GABRA2: variants seen among roughly 807,000 people sequenced by gnomAD.
The protein encoded by GABRA2 is gamma-aminobutyric acid type A receptor subunit alpha2.
Under a neutral mutation model 48.7 loss-of-function variants are expected in GABRA2, and 16 were observed. The observed-to-expected ratio is 0.33, with a 90% CI of 0.22 to 0.50. The LOEUF (loss-of-function observed/expected upper bound fraction) is 0.50. GABRA2 is among the 20% of genes least tolerant of loss of function. The probability of loss-of-function intolerance (pLI) is 0.98; values close to 1 mark genes in which losing one functional copy is unlikely to be tolerated. For synonymous variants in GABRA2, 185 were observed against 184.5 expected (o/e 1.00, Z -0.02); for missense variants, 275 against 535.6 (o/e 0.51, Z 4.80).
At chr4:46,344,023 T>C (rs1236702457) in intron 3 of GABRA2, among the ~76,000 whole-genome samples, 1 of 151,946 alleles carries the variant, frequency 6.6e-6, no homozygotes, top group African/African-American at 2.4e-5. Flanking sequence ...TGCCAGATAA[T>C]AATGTTCCAT....
chr4:46,317,931 G>A (rs1366152569), intron 4 of GABRA2, among the ~76,000 whole-genome samples: 4 of 151,524 alleles, frequency 2.6e-5, no homozygotes, highest in African/African-American at 9.7e-5. Context: ...CAAGTAACAA[G>A]TCATTTTAAA....
At position 46,305,709 on chromosome 4, in the gene GABRA2, C is replaced by A; in HGVS notation, c.562G>T (p.Ala188Ser). Reference sequence around the variant, plus strand: ...TAAGTGACCTCTGAAGTTGTATATGCATCTATAGGAAATCAGAAAAAATAT... The same window carrying A: ...TAAGTGACCTCTGAAGTTGTATATGAATCTATAGGAAATCAGAAAAAATAT... ...HSCPLKFGSY[A>S]YTTSEVTYIW... The change falls in exon 7 of 10, where the codon GCA (alanine) becomes TCA (serine). Residue 188 changes from alanine (A) to serine (S), a missense_variant and splice_region_variant. Coordinates refer to ENST00000381620, the MANE Select transcript of GABRA2 (RefSeq NM_000807.4). 6.2e-7 allele frequency: 1 copy of A among 1,602,334 alleles called. No homozygotes were observed. The highest frequency in any genetic ancestry group is 8.5e-7 in the Non-Finnish European group (1 of 1,172,952).
At chr4:46,311,484 A>T (rs1178568563) in intron 5 of GABRA2, among the ~76,000 whole-genome samples, 1 of 152,218 alleles carries the variant, frequency 6.6e-6, no homozygotes, top group Non-Finnish European at 1.5e-5. Context: ...TAGATTCCAC[A>T]TAATCTTACT....
chr4:46,297,039 A>G (rs1724851216), intron 8 of GABRA2, among the ~76,000 whole-genome samples: 1 of 152,126 alleles, frequency 6.6e-6, no homozygotes, highest in Non-Finnish European at 1.5e-5. Flanking sequence ...AAGACTATGT[A>G]TGATCTCAGG....
intron 8 of GABRA2, among the ~76,000 whole-genome samples, chr4:46,295,550 T>C (rs1485541924): frequency 6.6e-6 from 1 of 152,188 alleles, no homozygotes; most frequent in Non-Finnish European, 1.5e-5. Context: ...ACCCCTGTCA[T>C]TGCCCAATGG....
At chr4:46,273,483 GC>G (rs1719797986) in intron 8 of GABRA2, among the ~76,000 whole-genome samples, 1 of 16,192 alleles carries the variant, frequency 6.2e-5, no homozygotes. Context: ...ATATATATAT[GC>G]ATATATATAT....
intron 8 of GABRA2, among the ~76,000 whole-genome samples, chr4:46,300,618 A>G (rs2109606253): frequency 6.6e-6 from 1 of 152,138 alleles, no homozygotes; most frequent in South Asian, 2.1e-4. Context: ...TGATACTATA[A>G]GGAACATCAA....
At chr4:46,338,672 T>A (rs550356526) in intron 3 of GABRA2, among the ~76,000 whole-genome samples, 188 of 152,008 alleles carry the variant, frequency 1.2e-3, no homozygotes, top group Admixed American at 1.9e-3. Context: ...TGTAGGCATT[T>A]AAGACTGAAA....
At chr4:46,372,821 AC>A in intron 3 of GABRA2, among the ~76,000 whole-genome samples, 1 of 151,314 alleles carries the variant, frequency 6.6e-6, no homozygotes, top group African/African-American at 2.5e-5. Context: ...AAAGTGTTAC[AC>A]CACCCTCTCT....
rs1433834141 is a variant in GABRA2 at position 46,249,184 on chromosome 4, G to A, written c.*1124C>T. Reference sequence around the variant, plus strand: ...AAAGCTGTTGTAAATTTGAGTCAGCGAAATTTAAAGTTGCAATTTACAAAA... The same window carrying A: ...AAAGCTGTTGTAAATTTGAGTCAGCAAAATTTAAAGTTGCAATTTACAAAA... On this transcript the variant is annotated 3_prime_UTR_variant, in exon 10 of 10. Transcript: ENST00000381620. 1.3e-5 allele frequency: 2 copies of A among 151,294 alleles called. No homozygotes were observed. Among genetic ancestry groups the A allele is most frequent in the Non-Finnish European group, 3.0e-5 (2 of 67,616 alleles). 9.4% of individuals were successfully genotyped at this position (151,294 alleles called of 1,614,324 possible).
intron 8 of GABRA2, among the ~76,000 whole-genome samples, chr4:46,265,038 G>A (rs1324044419): frequency 7.3e-6 from 1 of 136,282 alleles, no homozygotes; most frequent in Non-Finnish European, 1.6e-5. Context: ...GAGAGAGAGA[G>A]AGAGAGATTG....
In GABRA2 at chr4:46,299,732, G is replaced by A. The variant is rs541427688; in HGVS notation, c.856+3728C>T. 5.7e-5 allele frequency among the ~76,000 whole-genome samples: 8 copies of A among 141,246 alleles called. No individual in the cohort carries two copies. The South Asian group carries it at 1.8e-3, about 32-fold the overall frequency. 92.7% of individuals were successfully genotyped at this position (141,246 alleles called of 152,430 possible). A position where few individuals can be genotyped will look rare whatever the true frequency, so the allele number is the denominator to read the frequency against. On this transcript the variant is annotated intron_variant, in intron 8 of 9. Coordinates refer to ENST00000381620, the MANE Select transcript of GABRA2 (RefSeq NM_000807.4). ...TTACAAGTATTTTCTTTAGGTACCT[G>A]TTCATCTGAAATTCTTCCCTCTTCT...
At position 46,248,830 on chromosome 4, in the gene GABRA2, T is replaced by C. The variant is rs1714182403; in HGVS notation, c.*1478A>G. ...GCATGTTTTAGTAAAAGTCAACTAATAACTGCTAATGTACATGTCAATCAA... is the reference window on the plus strand; with the variant it reads ...GCATGTTTTAGTAAAAGTCAACTAACAACTGCTAATGTACATGTCAATCAA... On this transcript the variant is annotated 3_prime_UTR_variant, in exon 10 of 10. Transcript: ENST00000381620. 6.6e-6 allele frequency: 1 copy of C among 151,486 alleles called. No homozygotes were observed. The highest frequency in any genetic ancestry group is 6.6e-5 in the Admixed American group (1 of 15,122). The allele number at this position is 151,486 out of a possible 1,614,324, so 9.4% of individuals were successfully genotyped here.
intron 4 of GABRA2, among the ~76,000 whole-genome samples, chr4:46,323,838 G>T (rs974689762): frequency 6.6e-6 from 1 of 151,670 alleles, no homozygotes; most frequent in African/African-American, 2.4e-5. Context: ...AATTAAATTT[G>T]AACTTGGCTT....
chr4:46,360,836 T>C (rs993331919), intron 3 of GABRA2, among the ~76,000 whole-genome samples: 1 of 152,214 alleles, frequency 6.6e-6, no homozygotes, highest in African/African-American at 2.4e-5. Context: ...CAGTTGAAGA[T>C]GAGGAACTTG....
chr4:46,268,437 A>G (rs1464753883), intron 8 of GABRA2, among the ~76,000 whole-genome samples: 1 of 151,946 alleles, frequency 6.6e-6, no homozygotes, highest in Non-Finnish European at 1.5e-5. Flanking sequence ...AGATACATGA[A>G]AAAAATGGCC....
At position 46,247,857 on chromosome 4, in the gene GABRA2, AAAG is replaced by A. The variant is rs1237707942; in HGVS notation, c.*2448_*2450del. ...CTCCTTTTGATTTATTTAAACATTA[AAAG>A]AAGAAGAAATATGTAAAAAGTACAT... On this transcript the variant is annotated 3_prime_UTR_variant, in exon 10 of 10. Coordinates refer to ENST00000381620, the MANE Select transcript of GABRA2 (RefSeq NM_000807.4). 6.6e-6 allele frequency among the ~76,000 whole-genome samples: 1 copy of A among 151,268 alleles called. No individual in the cohort carries two copies. The highest frequency in any genetic ancestry group is 1.5e-5 in the Non-Finnish European group (1 of 67,484).
At chr4:46,339,283 A>G (rs956279490) in intron 3 of GABRA2, among the ~76,000 whole-genome samples, 1 of 151,922 alleles carries the variant, frequency 6.6e-6, no homozygotes, top group Non-Finnish European at 1.5e-5. Context: ...TTTTATCCAT[A>G]TGTGGCTATG....
chr4:46,265,070 AT>A (rs1291031200), intron 8 of GABRA2, among the ~76,000 whole-genome samples: 1 of 147,670 alleles, frequency 6.8e-6, no homozygotes, highest in Non-Finnish European at 1.5e-5. Flanking sequence ...CTTGCTTGAC[AT>A]TTCACCCAGG....
Sources: allele counts gnomAD v4.1 joint callset (sites outside exome capture counted in the v4.1 genomes callset), GRCh38; gene constraint gnomAD v4.1.1; transcripts MANE v1.5; gene names NCBI Gene and HGNC (gene_info 2026-07-23, HGNC 2026-07-21).